SLIT3: variants seen among roughly 807,000 people sequenced by gnomAD.
The protein encoded by SLIT3 is slit guidance ligand 3.
A neutral mutation model predicts 184.0 loss-of-function variants in SLIT3; 68 were observed. That is an observed-to-expected ratio of 0.37 (90% CI 0.30 to 0.45). The LOEUF (loss-of-function observed/expected upper bound fraction) is 0.45, where lower values mean the gene tolerates loss of function less well. Among genes scored for constraint, SLIT3 ranks in the 20% least tolerant of loss-of-function variants. SLIT3 has a pLI of 1.00. For synonymous variants in SLIT3, 831 were observed against 828.6 expected, an observed-to-expected ratio of 1.00 and a Z score of -0.05; for missense variants, 1,707 against 2,026.0, an observed-to-expected ratio of 0.84 and a Z score of 3.02.
intron 3 of SLIT3, among the ~76,000 whole-genome samples, chr5:169,240,478 C>T (rs1350123179): frequency 6.6e-6 from 1 of 150,648 alleles, no homozygotes; most frequent in Non-Finnish European, 1.5e-5. Context: ...TTTATCATTA[C>T]AAAATTCCCT....
intron 10 of SLIT3, among the ~76,000 whole-genome samples, chr5:168,792,658 G>T (rs1756418215): frequency 1.3e-5 from 2 of 152,284 alleles, no homozygotes; most frequent in South Asian, 2.1e-4. Flanking sequence ...AAAGAGAAAA[G>T]AATTCCCAAC....
At chr5:168,857,822 C>T (rs1223170164) in intron 5 of SLIT3, among the ~76,000 whole-genome samples, 3 of 152,134 alleles carry the variant, frequency 2.0e-5, no homozygotes, top group Admixed American at 6.5e-5. Context: ...TACCAAAGCG[C>T]TCCACGGAAA....
intron 6 of SLIT3, among the ~76,000 whole-genome samples, chr5:168,831,499 C>T (rs1320114385): frequency 6.6e-6 from 1 of 152,104 alleles, no homozygotes; most frequent in Non-Finnish European, 1.5e-5. Context: ...CTGATTAGTC[C>T]ATTACTCTCA....
At chr5:168,841,876 AC>A (rs776255210) in intron 6 of SLIT3, among the ~76,000 whole-genome samples, 2 of 152,124 alleles carry the variant, frequency 1.3e-5, no homozygotes. Flanking sequence ...CATACCCGAA[AC>A]ATTACATTTT....
At chr5:169,074,822 A>C (rs1758678085) in intron 4 of SLIT3, among the ~76,000 whole-genome samples, 1 of 152,190 alleles carries the variant, frequency 6.6e-6, no homozygotes, top group East Asian at 1.9e-4. Flanking sequence ...CAGCTGAAGC[A>C]AGACCTGAGG....
At chr5:168,913,048 C>G (rs1019641984) in intron 4 of SLIT3, among the ~76,000 whole-genome samples, 1 of 152,202 alleles carries the variant, frequency 6.6e-6, no homozygotes, top group Non-Finnish European at 1.5e-5. Context: ...ACCCCTGCTA[C>G]TGATGAGTTA....
At chr5:168,748,486 G>A (rs1317933684) in intron 19 of SLIT3, 52 bp from the exon 20 acceptor site, 2 of 1,484,898 alleles carry the variant, frequency 1.3e-6, no homozygotes, top group Non-Finnish European at 1.8e-6. Context: ...GCCCCACTAG[G>A]GGGAGCCAGT....
At chr5:169,295,142 C>A (rs941874584) in intron 1 of SLIT3, among the ~76,000 whole-genome samples, 1 of 152,218 alleles carries the variant, frequency 6.6e-6, no homozygotes, top group African/African-American at 2.4e-5. Flanking sequence ...GGCACTATGA[C>A]ATTACAAAAG....
chr5:168,812,536 A>G (rs1170087815), intron 8 of SLIT3, among the ~76,000 whole-genome samples: 1 of 152,370 alleles, frequency 6.6e-6, no homozygotes, highest in Middle Eastern at 3.4e-3. Flanking sequence ...CTGAACAACA[A>G]CAAAAAAACC....
chr5:169,254,388 C>T (rs1053870833), intron 1 of SLIT3, among the ~76,000 whole-genome samples: 1 of 151,990 alleles, frequency 6.6e-6, no homozygotes, highest in African/African-American at 2.4e-5. Flanking sequence ...GAACTGTCAG[C>T]AGGAGGGGTG....
At chr5:168,876,816 T>C (rs946163352) in intron 5 of SLIT3, among the ~76,000 whole-genome samples, 4 of 152,236 alleles carry the variant, frequency 2.6e-5, no homozygotes, top group Non-Finnish European at 5.9e-5. Flanking sequence ...CTGTGAGTTC[T>C]TCGGATACAA....
chr5:168,768,038 C>T (rs1755403294), intron 14 of SLIT3: 1 of 358,868 alleles, frequency 2.8e-6, no homozygotes, highest in South Asian at 2.0e-5. Context: ...ACCCTCCTGC[C>T]TTTGGTGAGT....
Position 168,900,951 on chromosome 5 carries a change from G to A in SLIT3, c.414-17615C>T, listed in dbSNP as rs188721868. Among the ~76,000 whole-genome samples the A allele has an allele frequency of 2.3e-3, 355 of 152,340 alleles. 3 individuals are homozygous for A. Among genetic ancestry groups the A allele is most frequent in the African/African-American group, 7.6e-3 (314 of 41,578 alleles). On this transcript the variant is annotated intron_variant, in intron 4 of 35. Coordinates refer to ENST00000519560, the MANE Select transcript of SLIT3 (RefSeq NM_003062.4). ...GGAGAATGACAATGGAGCCTCAGAA[G>A]CGTGAGGGGTAGAAGGTGGCTGGAT... is the stretch of plus-strand genomic sequence containing the variant.
At chr5:168,844,538 C>T (rs1400522149) in intron 6 of SLIT3, 46 bp downstream of exon 6, 1 of 1,563,164 alleles carries the variant, frequency 6.4e-7, no homozygotes, top group East Asian at 2.2e-5. Context: ...CACACATACA[C>T]ACACATGCAC....
At chr5:169,242,083 C>T (rs116602015) in intron 3 of SLIT3, among the ~76,000 whole-genome samples, 2,286 of 152,262 alleles carry the variant, frequency 0.015, 24 homozygotes, top group Admixed American at 0.026. Flanking sequence ...AGGCACAATC[C>T]ACCGTCATAT....
chr5:169,063,605 G>A (rs569104213), intron 4 of SLIT3, among the ~76,000 whole-genome samples: 19 of 152,268 alleles, frequency 1.2e-4, no homozygotes, highest in South Asian at 1.0e-3. Flanking sequence ...ACTTCCTCCC[G>A]TGTGCGTGAG....
At chr5:169,048,678 C>G (rs994211377) in intron 4 of SLIT3, among the ~76,000 whole-genome samples, 2 of 152,162 alleles carry the variant, frequency 1.3e-5, no homozygotes, top group Non-Finnish European at 2.9e-5. Context: ...AGTCCCAGTA[C>G]AGTAATACAC....
At chr5:169,299,945 A>G (rs1767630524) in intron 1 of SLIT3, among the ~76,000 whole-genome samples, 1 of 152,216 alleles carries the variant, frequency 6.6e-6, no homozygotes, top group Non-Finnish European at 1.5e-5. Context: ...CGCTCCAGGC[A>G]GAGCGGGTTT....
intron 1 of SLIT3, among the ~76,000 whole-genome samples, chr5:169,274,284 T>G (rs1766729031): frequency 6.6e-6 from 1 of 152,226 alleles, no homozygotes; most frequent in South Asian, 2.1e-4. Context: ...CTCCTTGGGC[T>G]AGGGCTGATG....
Sources: gnomAD v4.1 joint callset for allele counts (sites outside exome capture counted in the v4.1 genomes callset) on GRCh38, gnomAD v4.1.1 for gene constraint, MANE v1.5 for transcripts, NCBI Gene and HGNC (gene_info 2026-07-23, HGNC 2026-07-21) for gene names.